Variants in LGSN observed in about 807,000 individuals in gnomAD.
LGSN encodes the protein lengsin, lens protein with glutamine synthetase domain, also known as lengsin.
In LGSN, 21 loss-of-function variants were observed where a neutral mutation model predicts 19.5. The observed-to-expected ratio is 1.07, with a 90% CI of 0.76 to 1.55. The LOEUF (loss-of-function observed/expected upper bound fraction) is 1.55, where lower values mean the gene tolerates loss of function less well. Ranked by LOEUF, LGSN falls within the 40% of genes most tolerant of loss-of-function variation. LGSN has a pLI of 0.00. For synonymous variants in LGSN, 257 were observed against 215.6 expected (o/e 1.19, Z -1.68); for missense variants, 673 against 608.5 (o/e 1.11, Z -1.12).
chr6:63,499,655 T>A, the LGSN span, among the ~76,000 whole-genome samples: 81,219 of 151,842 alleles, frequency 0.53, 23,588 homozygotes, highest in African/African-American at 0.77. Context: ...TCTCCAAATA[T>A]GGGTTTTTCT....
chr6:63,461,686 G>C, the LGSN span, among the ~76,000 whole-genome samples: 2 of 152,204 alleles, frequency 1.3e-5, no homozygotes, highest in African/African-American at 2.4e-5. Context: ...ACATTGGACA[G>C]TTGGCAAAGG....
chr6:63,510,027 C>T, the LGSN span, among the ~76,000 whole-genome samples: 1 of 152,094 alleles, frequency 6.6e-6, no homozygotes, highest in Non-Finnish European at 1.5e-5. Flanking sequence ...ATAAATGTAA[C>T]CATCTAATAA....
the LGSN span, among the ~76,000 whole-genome samples, chr6:63,411,607 A>T: frequency 4.6e-5 from 7 of 152,184 alleles, no homozygotes; most frequent in African/African-American, 1.7e-4. Flanking sequence ...TGGGAGGCCG[A>T]GAAGGGAGGA....
At chr6:63,377,913 C>CAA in the LGSN span, among the ~76,000 whole-genome samples, 59 of 54,214 alleles carry the variant, frequency 1.1e-3, no homozygotes, top group Non-Finnish European at 1.3e-3. Context: ...GACTCCATCT[C>CAA]AAAAAAAAAA....
the LGSN span, among the ~76,000 whole-genome samples, chr6:63,364,388 A>G: frequency 2.0e-5 from 3 of 152,234 alleles, no homozygotes; most frequent in Admixed American, 1.3e-4. Context: ...AGAGCTAACT[A>G]TCCTAAATAT....
chr6:63,436,886 A>C, the LGSN span, among the ~76,000 whole-genome samples: 5 of 150,798 alleles, frequency 3.3e-5, no homozygotes, highest in Non-Finnish European at 7.4e-5. Flanking sequence ...AAATACAAAA[A>C]AATAGCTGGG....
At chr6:63,453,810 C>T in the LGSN span, among the ~76,000 whole-genome samples, 6 of 152,038 alleles carry the variant, frequency 3.9e-5, no homozygotes, top group Admixed American at 6.6e-5. Flanking sequence ...CCCGCCACCA[C>T]GCCCGGCTAA....
the LGSN span, among the ~76,000 whole-genome samples, chr6:63,380,601 G>T: frequency 6.6e-6 from 1 of 152,022 alleles, no homozygotes; most frequent in South Asian, 2.1e-4. Context: ...AGAAGTTACG[G>T]AAGGAGCATT....
At chr6:63,459,345 C>T in the LGSN span, among the ~76,000 whole-genome samples, 4 of 152,194 alleles carry the variant, frequency 2.6e-5, no homozygotes, top group South Asian at 2.1e-4. Flanking sequence ...TTGGAAAATA[C>T]GCCACAAGCT....
the LGSN span, among the ~76,000 whole-genome samples, chr6:63,333,132 G>A: frequency 6.6e-6 from 1 of 151,904 alleles, no homozygotes; most frequent in African/African-American, 2.4e-5. Context: ...ACCCGAGCGG[G>A]TTCCCCCTGC....
chr6:63,316,600 G>T (rs540949823), intron 1 of LGSN, among the ~76,000 whole-genome samples: 1 of 152,072 alleles, frequency 6.6e-6, no homozygotes, highest in South Asian at 2.1e-4. Flanking sequence ...AATCAAAGAA[G>T]AATTCTCCAT....
the LGSN span, among the ~76,000 whole-genome samples, chr6:63,522,865 T>A: frequency 1.1e-4 from 6 of 55,096 alleles, no homozygotes; most frequent in African/African-American, 3.7e-4. Flanking sequence ...TAAATCACTT[T>A]TTTTTTTTTT....
At chr6:63,508,695 T>C in the LGSN span, among the ~76,000 whole-genome samples, 1 of 151,994 alleles carries the variant, frequency 6.6e-6, no homozygotes, top group Non-Finnish European at 1.5e-5. Context: ...GGCAGGTGGA[T>C]CATGTGAGGT....
chr6:63,353,592 A>G, the LGSN span, among the ~76,000 whole-genome samples: 9 of 140,560 alleles, frequency 6.4e-5, no homozygotes, highest in African/African-American at 2.7e-4. Context: ...TTGTAGCAAA[A>G]AAAAAAAAAA....
chr6:63,494,103 C>T, the LGSN span, among the ~76,000 whole-genome samples: 10 of 152,010 alleles, frequency 6.6e-5, no homozygotes, highest in Admixed American at 6.6e-4. Context: ...GCATGTGCCA[C>T]CGTGTCCGGC....
the LGSN span, among the ~76,000 whole-genome samples, chr6:63,349,032 G>A: frequency 6.6e-6 from 1 of 152,162 alleles, no homozygotes; most frequent in East Asian, 1.9e-4. Flanking sequence ...ATAAGGAAAA[G>A]GGGGCAGAAG....
chr6:63,285,691 T>C lies in LGSN; in HGVS notation c.226A>G (p.Ile76Val). Residue 76 changes from isoleucine to valine, a missense_variant, in exon 3 of 4, where the codon ATT (isoleucine) becomes GTT (valine). Physicochemically the swap from Ile to Val is conservative, Grantham distance 29. Coordinates refer to ENST00000370657, the MANE Select transcript of LGSN (RefSeq NM_016571.3). Reference sequence around the variant, plus strand: ...CGATTTTTGGCCATGGCTTGTCTAATGTGTTTCATTCTAGAAGAGAGTTGA... The same window carrying C: ...CGATTTTTGGCCATGGCTTGTCTAACGTGTTTCATTCTAGAAGAGAGTTGA... ...PPQLSSRMKH[I>V]RQAMAKNRLQ... 7 of 1,614,048 alleles carry C rather than the reference T, an allele frequency of 4.3e-6. No homozygotes were observed. The highest frequency in any genetic ancestry group is 4.2e-6 in the Non-Finnish European group (5 of 1,179,950).
the LGSN span, among the ~76,000 whole-genome samples, chr6:63,563,863 C>G: frequency 2.0e-5 from 3 of 152,250 alleles, no homozygotes; most frequent in South Asian, 6.2e-4. Context: ...CTTAGAAAAA[C>G]TGGGAATAGG....
chr6:63,407,680 G>A, the LGSN span, among the ~76,000 whole-genome samples: 1 of 152,230 alleles, frequency 6.6e-6, no homozygotes, highest in East Asian at 1.9e-4. Flanking sequence ...TTCTGGCCAG[G>A]GCAATTAGGC....
Sources: allele counts gnomAD v4.1 joint callset (sites outside exome capture counted in the v4.1 genomes callset), GRCh38; gene constraint gnomAD v4.1.1; transcripts MANE v1.5; gene names NCBI Gene and HGNC (gene_info 2026-07-23, HGNC 2026-07-21).